The following TBX15 variants were observed in gnomAD, a reference collection of about 807,000 sequenced individuals.
TBX15 encodes T-box transcription factor TBX15.
A neutral mutation model predicts 53.9 loss-of-function variants in TBX15; 18 were observed. The ratio of observed to expected loss-of-function variants is 0.33; its 90% CI spans 0.23 to 0.49. The LOEUF (loss-of-function observed/expected upper bound fraction) is 0.49. Among genes scored for constraint, TBX15 ranks in the 20% least tolerant of loss-of-function variants. The pLI, the probability that TBX15 is intolerant of heterozygous loss-of-function variation, is 0.98. For synonymous variants in TBX15, 295 were observed against 278.0 expected, an observed-to-expected ratio of 1.06 and a Z score of -0.61; for missense variants, 692 against 749.5, an observed-to-expected ratio of 0.92 and a Z score of 0.90.
chr1:118,940,689 A>G (rs1656146655), intron 1 of TBX15, among the ~76,000 whole-genome samples: 1 of 151,272 alleles, frequency 6.6e-6, no homozygotes, highest in Admixed American at 6.6e-5. Flanking sequence ...AAATTAACAT[A>G]TAAGATTCTA....
chr1:118,974,224 C>T (rs1466099896), intron 1 of TBX15, among the ~76,000 whole-genome samples: 1 of 152,204 alleles, frequency 6.6e-6, no homozygotes, highest in South Asian at 2.1e-4. Flanking sequence ...GATTCATATG[C>T]TTCTATTGCT....
chr1:118,966,202 T>C (rs1421210646), intron 1 of TBX15, among the ~76,000 whole-genome samples: 21 of 152,182 alleles, frequency 1.4e-4, no homozygotes, highest in Admixed American at 1.3e-3. Context: ...AAAAGAAGAA[T>C]AGAACCAATC....
chr1:118,884,766 C>T lies in TBX15; in HGVS notation c.1775G>A (p.Gly592Asp), dbSNP rs780781721. ...GTGCACGGACATCTGGGAGGAGGAG[C>T]CTGGAACTGCCCCATACTGCCGGCC... is the stretch of plus-strand genomic sequence containing the variant. ...CDGRQYGAVP[G>D]SSSQMSVHMV Residue 592 changes from glycine to aspartate, a missense_variant, in exon 8 of 8, where the codon GGC becomes GAC. Gly to Asp is a moderately conservative substitution (Grantham distance 94). Around this residue, in one of 3 missense-constraint regions of TBX15, gnomAD observed 375 missense variants for 371.6 expected, o/e 1.01. Coordinates refer to ENST00000369429, the MANE Select transcript of TBX15 (RefSeq NM_001330677.2). The T allele has an allele frequency of 3.3e-5, 53 of 1,613,924 alleles. No homozygotes were observed. Among genetic ancestry groups the T allele is most frequent in the Non-Finnish European group, 8.5e-7 (1 of 1,179,998 alleles).
intron 1 of TBX15, among the ~76,000 whole-genome samples, chr1:118,932,852 T>A (rs1265007005): frequency 6.6e-6 from 1 of 152,208 alleles, no homozygotes; most frequent in African/African-American, 2.4e-5. Flanking sequence ...CTAGTATAAT[T>A]TTCTTAGGTC....
rs1653819808 is a variant in TBX15 at position 118,883,894 on chromosome 1, T to G, written c.*838A>C. 6.5e-6 allele frequency: 1 copy of G among 152,742 alleles called. No individual in the cohort carries two copies. Among genetic ancestry groups the G allele is most frequent in the South Asian group, 2.1e-4 (1 of 4,834 alleles). 9.5% of individuals were successfully genotyped at this position (152,742 alleles called of 1,614,324 possible). A position where few individuals can be genotyped will look rare whatever the true frequency, so the allele number is the denominator to read the frequency against. On this transcript the variant is annotated 3_prime_UTR_variant, in exon 8 of 8. Coordinates refer to ENST00000369429, the MANE Select transcript of TBX15 (RefSeq NM_001330677.2). Reference sequence around the variant, plus strand: ...ACGTCTCCTTGGTGAATTAAAATTCTCATCATTGCTCACACTTTCTCTGTC... The same window carrying G: ...ACGTCTCCTTGGTGAATTAAAATTCGCATCATTGCTCACACTTTCTCTGTC...
intron 1 of TBX15, among the ~76,000 whole-genome samples, chr1:118,946,353 C>T (rs1231409291): frequency 6.6e-6 from 1 of 152,062 alleles, no homozygotes; most frequent in Non-Finnish European, 1.5e-5. Context: ...TTACAAGTCA[C>T]CTAAAATGAT....
Position 118,883,829 on chromosome 1 carries a change from G to A in TBX15, c.*903C>T, listed in dbSNP as rs1471275604. ...AATGCCATGATTCTTTCCATAACCT[G>A]TAGTGGGGCGGGCGGGGTTTGGGGG... On this transcript the variant is annotated 3_prime_UTR_variant, in exon 8 of 8. Coordinates refer to ENST00000369429, the MANE Select transcript of TBX15 (RefSeq NM_001330677.2). The A allele has an allele frequency of 2.1e-5, 3 of 141,728 alleles. No homozygotes were observed. Among genetic ancestry groups the A allele is most frequent in the Non-Finnish European group, 3.1e-5 (2 of 64,558 alleles). 8.8% of individuals were successfully genotyped at this position (141,728 alleles called of 1,614,324 possible).
chr1:118,926,486 T>C, intron 3 of TBX15, 24 bp downstream of exon 3: 1 of 1,600,168 alleles, frequency 6.2e-7, no homozygotes, highest in Non-Finnish European at 8.6e-7. Flanking sequence ...TACCCACATT[T>C]CCACATCCCA....
intron 5 of TBX15, among the ~76,000 whole-genome samples, chr1:118,919,407 C>T (rs1655351123): frequency 6.6e-6 from 1 of 152,136 alleles, no homozygotes; most frequent in South Asian, 2.1e-4. Flanking sequence ...CTGCCATAGG[C>T]CTGCCAAGTT....
At chr1:118,903,881 G>A (rs1654722512) in intron 6 of TBX15, among the ~76,000 whole-genome samples, 1 of 152,142 alleles carries the variant, frequency 6.6e-6, no homozygotes, top group East Asian at 1.9e-4. Context: ...ATGCCAAGAT[G>A]CCATGGAATA....
intron 2 of TBX15, among the ~76,000 whole-genome samples, chr1:118,928,767 G>A (rs1395573029): frequency 1.3e-5 from 2 of 152,046 alleles, no homozygotes; most frequent in African/African-American, 4.8e-5. Context: ...GTTCTGTCTG[G>A]AACCATTATA....
chr1:118,955,240 T>C (rs1052473065), intron 1 of TBX15, among the ~76,000 whole-genome samples: 13 of 133,712 alleles, frequency 9.7e-5, no homozygotes, highest in Admixed American at 3.1e-4. Flanking sequence ...ATATGAACAA[T>C]GTGATTAAAA....
intron 1 of TBX15, among the ~76,000 whole-genome samples, chr1:118,968,920 T>C (rs908337169): frequency 6.6e-6 from 1 of 152,184 alleles, no homozygotes; most frequent in African/African-American, 2.4e-5. Flanking sequence ...TTCAGCTTCT[T>C]TGAAAAGTAT....
chr1:118,923,344 A>G (rs774081325), intron 5 of TBX15, 92 bp downstream of exon 5: 1 of 1,524,310 alleles, frequency 6.6e-7, no homozygotes, highest in Non-Finnish European at 9.0e-7. Context: ...TTGTATGTCA[A>G]ATTCCCCTGA....
chr1:118,974,990 T>A (rs1337991120), intron 1 of TBX15, among the ~76,000 whole-genome samples: 1 of 152,214 alleles, frequency 6.6e-6, no homozygotes, highest in Non-Finnish European at 1.5e-5. Context: ...TTGCAACTGA[T>A]ATGTTTCTAA....
Position 118,916,721 on chromosome 1 carries a change from C to A in TBX15, c.862-2542G>T, listed in dbSNP as rs571280416. 9.9e-5 allele frequency among the ~76,000 whole-genome samples: 15 copies of A among 152,018 alleles called. 1 individual carries two copies. The South Asian group carries it at 2.9e-3, about 30-fold the overall frequency. On this transcript the variant is annotated intron_variant, in intron 5 of 7. Transcript: ENST00000369429. ...TCTACTTAAAAATACAAAAAATTACCTAGGCATGGTGGTGTGCACCTGTAG... is the reference window on the plus strand; with the variant it reads ...TCTACTTAAAAATACAAAAAATTACATAGGCATGGTGGTGTGCACCTGTAG...
At chr1:118,912,974 A>G (rs1321985406) in intron 6 of TBX15, among the ~76,000 whole-genome samples, 1 of 152,200 alleles carries the variant, frequency 6.6e-6, no homozygotes, top group Non-Finnish European at 1.5e-5. Context: ...TGAGGTGAAT[A>G]CCATTTTATT....
At chr1:118,947,791 C>T (rs1323720407) in intron 1 of TBX15, among the ~76,000 whole-genome samples, 1 of 152,154 alleles carries the variant, frequency 6.6e-6, no homozygotes. Flanking sequence ...AGTGAGAAGA[C>T]CTGCTTGCTG....
intron 7 of TBX15, among the ~76,000 whole-genome samples, chr1:118,896,656 G>C (rs1240523837): frequency 6.6e-6 from 1 of 152,162 alleles, no homozygotes; most frequent in East Asian, 1.9e-4. Context: ...GGGAATTGCT[G>C]TAAAAAATAG....
Sources: allele counts gnomAD v4.1 joint callset (sites outside exome capture counted in the v4.1 genomes callset), GRCh38; gene constraint gnomAD v4.1.1; regional missense constraint gnomAD v4.1.1; transcripts MANE v1.5; gene names NCBI Gene and HGNC (gene_info 2026-07-23, HGNC 2026-07-21).